RASEF: variants seen among roughly 807,000 people sequenced by gnomAD.
The protein encoded by RASEF is ras and EF-hand domain-containing protein.
RASEF carries 68 observed loss-of-function variants against 90.1 expected under a neutral mutation model. The observed-to-expected ratio is 0.75, with a 90% CI of 0.62 to 0.92. RASEF has a LOEUF of 0.92. Ranked by LOEUF, RASEF falls within the 40% of genes least tolerant of loss-of-function variation. The pLI, the probability that RASEF is intolerant of heterozygous loss-of-function variation, is 0.00. For synonymous variants in RASEF, 331 were observed against 345.2 expected, an observed-to-expected ratio of 0.96 and a Z score of 0.46; for missense variants, 949 against 937.2, an observed-to-expected ratio of 1.01 and a Z score of -0.16.
intron 6 of RASEF, 49 bp from the exon 7 acceptor site, chr9:83,007,554 G>T: frequency 3.0e-6 from 4 of 1,341,944 alleles, no homozygotes; most frequent in Non-Finnish European, 3.2e-6. Flanking sequence ...GTCAAGTCCT[G>T]CCTCACGTAT....
chr9:83,215,987 C>T, the RASEF span, among the ~76,000 whole-genome samples: 1 of 152,158 alleles, frequency 6.6e-6, no homozygotes, highest in Non-Finnish European at 1.5e-5. Flanking sequence ...GTCACTCTTG[C>T]TATGCAAAGA....
chr9:83,213,450 T>C, the RASEF span, among the ~76,000 whole-genome samples: 1 of 151,550 alleles, frequency 6.6e-6, no homozygotes, highest in Non-Finnish European at 1.5e-5. Context: ...TAACACTACA[T>C]ATTCTAAAAG....
At chr9:83,163,345 C>T in the RASEF span, among the ~76,000 whole-genome samples, 1 of 152,110 alleles carries the variant, frequency 6.6e-6, no homozygotes, top group Non-Finnish European at 1.5e-5. Context: ...GAAAAAACGA[C>T]AAGACTTACA....
Position 82,981,981 on chromosome 9 carries a change from A to T in RASEF, c.*696T>A, listed in dbSNP as rs564908450. ...AAACATGTTTCTTTATACATAAAAA[A>T]TAGATATTTCTGTTTCCATTTTTTA... On this transcript the variant is annotated 3_prime_UTR_variant, in exon 17 of 17. Transcript: ENST00000376447. 4 of 152,358 alleles carry T rather than the reference A, an allele frequency of 2.6e-5. No individual in the cohort carries two copies. In the South Asian group the frequency reaches 6.2e-4, roughly 24 times the overall value. 9.4% of individuals were successfully genotyped at this position (152,358 alleles called of 1,614,324 possible).
Position 82,997,143 on chromosome 9 carries a change from C to T in RASEF, c.1806-17G>A. ...CTTCTGAATCTGAGAAAGAGAAAAC[C>T]ACATCATCAGTCAGTTTGTGTTGCC... is the stretch of plus-strand genomic sequence containing the variant. On this transcript the variant is annotated splice_polypyrimidine_tract_variant and intron_variant, in intron 13 of 16. Transcript: ENST00000376447. The T allele has an allele frequency of 6.8e-7, 1 of 1,464,472 alleles. No individual in the cohort carries two copies. The highest frequency in any genetic ancestry group is 9.6e-7 in the Non-Finnish European group (1 of 1,043,682). The allele number at this position is 1,464,472 out of a possible 1,614,324, so 90.7% of individuals were successfully genotyped here.
the RASEF span, among the ~76,000 whole-genome samples, chr9:83,147,040 G>GTGTATATATATA: frequency 1.7e-3 from 239 of 143,712 alleles, no homozygotes; most frequent in Non-Finnish European, 2.6e-3. Flanking sequence ...ATATATATAT[G>GTGTATATATATA]TATATATATA....
the RASEF span, among the ~76,000 whole-genome samples, chr9:83,193,784 A>G: frequency 1.1e-3 from 169 of 152,332 alleles, no homozygotes; most frequent in African/African-American, 4.0e-3. Context: ...GGACCGAGGG[A>G]TATAGCATGT....
chr9:83,043,272 A>G (rs1829872412), intron 1 of RASEF, among the ~76,000 whole-genome samples: 1 of 152,210 alleles, frequency 6.6e-6, no homozygotes, highest in African/African-American at 2.4e-5. Flanking sequence ...AAAAGTTTTA[A>G]ACTACAAGCT....
chr9:82,981,322 G>A lies in RASEF; in HGVS notation c.*1355C>T, dbSNP rs769587968. The A allele has an allele frequency of 1.3e-5, 2 of 152,126 alleles. No individual in the cohort carries two copies. Among genetic ancestry groups the A allele is most frequent in the Non-Finnish European group, 2.9e-5 (2 of 68,048 alleles). The allele number at this position is 152,126 out of a possible 1,614,324, so 9.4% of individuals were successfully genotyped here. ...TCTGGAAGGAGAGTAGGCCCAACCA[G>A]GTCACTGGTGATGATGAGCCACTAG... On this transcript the variant is annotated 3_prime_UTR_variant, in exon 17 of 17. Transcript: ENST00000376447.
the RASEF span, among the ~76,000 whole-genome samples, chr9:83,171,026 T>C: frequency 6.6e-6 from 1 of 151,948 alleles, no homozygotes; most frequent in Non-Finnish European, 1.5e-5. Flanking sequence ...AGCTTTCAAT[T>C]TTTCCCCATT....
the RASEF span, among the ~76,000 whole-genome samples, chr9:83,074,903 G>A: frequency 6.6e-6 from 1 of 152,142 alleles, no homozygotes; most frequent in South Asian, 2.1e-4. Flanking sequence ...AAACAACATA[G>A]TAATCAACCT....
At chr9:83,117,588 A>G in the RASEF span, among the ~76,000 whole-genome samples, 1 of 152,198 alleles carries the variant, frequency 6.6e-6, no homozygotes, top group Admixed American at 6.5e-5. Flanking sequence ...CTTAAACCCC[A>G]GCCTGATAAG....
upstream of RASEF, among the ~76,000 whole-genome samples, chr9:83,063,817 G>A (rs191668669): frequency 3.5e-4 from 53 of 152,026 alleles, no homozygotes; most frequent in Non-Finnish European, 6.2e-4. Flanking sequence ...CACTTTTTTC[G>A]ACAATACTAT....
the RASEF span, among the ~76,000 whole-genome samples, chr9:83,193,424 G>A: frequency 5.3e-5 from 8 of 152,160 alleles, no homozygotes; most frequent in South Asian, 2.1e-4. Flanking sequence ...GTATCACTAC[G>A]ACAAATGGAA....
At chr9:83,101,572 C>A in the RASEF span, among the ~76,000 whole-genome samples, 1 of 152,030 alleles carries the variant, frequency 6.6e-6, no homozygotes, top group Non-Finnish European at 1.5e-5. Context: ...TATATAGTGC[C>A]GATAAGGTGA....
At position 82,996,873 on chromosome 9, in the gene RASEF, G is replaced by A; in HGVS notation, c.1920+139C>T. 8.2e-6 allele frequency: 5 copies of A among 610,558 alleles called. No homozygotes were observed. In the East Asian group the frequency reaches 8.4e-5, roughly 10 times the overall value. The allele number at this position is 610,558 out of a possible 1,614,324, so 37.8% of individuals were successfully genotyped here. A position where few individuals can be genotyped will look rare whatever the true frequency, so the allele number is the denominator to read the frequency against. ...GAGATGAATGCTGCCAGTTCTGCCT[G>A]TAGCATCCAATTCTTCCTGATGGCT... On this transcript the variant is annotated intron_variant, in intron 14 of 16. Coordinates refer to ENST00000376447, the MANE Select transcript of RASEF (RefSeq NM_152573.4).
chr9:83,204,947 G>A, the RASEF span, among the ~76,000 whole-genome samples: 1 of 152,134 alleles, frequency 6.6e-6, no homozygotes, highest in African/African-American at 2.4e-5. Context: ...TTTAAAGCAG[G>A]TGAGACAAAT....
chr9:83,020,709 T>C (rs1434050014), intron 3 of RASEF, among the ~76,000 whole-genome samples: 1 of 152,134 alleles, frequency 6.6e-6, no homozygotes, highest in African/African-American at 2.4e-5. Flanking sequence ...CATGAAATTC[T>C]AAAAGGTGGG....
At chr9:83,211,760 C>T in the RASEF span, among the ~76,000 whole-genome samples, 1 of 152,160 alleles carries the variant, frequency 6.6e-6, no homozygotes, top group Non-Finnish European at 1.5e-5. Flanking sequence ...GTCTAGGCCA[C>T]TTGTGCCTGT....
Sources: gnomAD v4.1 joint callset for allele counts (sites outside exome capture counted in the v4.1 genomes callset) on GRCh38, gnomAD v4.1.1 for gene constraint, MANE v1.5 for transcripts, NCBI Gene and HGNC (gene_info 2026-07-23, HGNC 2026-07-21) for gene names.